ZFP91: variants seen among roughly 807,000 people sequenced by gnomAD.
ZFP91 encodes ZFP91 zinc finger protein, atypical E3 ubiquitin ligase, also known as E3 ubiquitin-protein ligase ZFP91.
A neutral mutation model predicts 63.5 loss-of-function variants in ZFP91; 7 were observed. That is an observed-to-expected ratio of 0.11 (90% CI 0.06 to 0.21). ZFP91 has a LOEUF of 0.21. ZFP91 is among the 10% of genes least tolerant of loss of function. The pLI, the probability that ZFP91 is intolerant of heterozygous loss-of-function variation, is 1.00. For synonymous variants in ZFP91, 330 were observed against 272.1 expected (o/e 1.21, Z -2.10); for missense variants, 628 against 736.6 (o/e 0.85, Z 1.71).
At chr11:58,595,698 C>T (rs1429431981) in intron 2 of ZFP91, among the ~76,000 whole-genome samples, 6 of 151,918 alleles carry the variant, frequency 3.9e-5, no homozygotes, top group South Asian at 2.1e-4. Flanking sequence ...TTGTCTTGAC[C>T]TCCTGAGTAG....
At chr11:58,591,064 C>T (rs916264813) in intron 2 of ZFP91, among the ~76,000 whole-genome samples, 6 of 152,080 alleles carry the variant, frequency 3.9e-5, no homozygotes, top group African/African-American at 1.4e-4. Flanking sequence ...CCAGGGTGAG[C>T]CCAATCATGT....
At chr11:58,595,854 C>G (rs1855389270) in intron 2 of ZFP91, among the ~76,000 whole-genome samples, 1 of 152,040 alleles carries the variant, frequency 6.6e-6, no homozygotes, top group Non-Finnish European at 1.5e-5. Flanking sequence ...TGGGTATAGG[C>G]TTGAGCCAGC....
intron 2 of ZFP91, among the ~76,000 whole-genome samples, chr11:58,591,552 T>G (rs1315369982): frequency 6.6e-6 from 1 of 152,218 alleles, no homozygotes; most frequent in East Asian, 1.9e-4. Flanking sequence ...TAGAACTTTT[T>G]CTTCACCCTA....
Position 58,610,942 on chromosome 11 carries a change from A to G in ZFP91, c.618-8A>G. On this transcript the variant is annotated splice_polypyrimidine_tract_variant and splice_region_variant and intron_variant, in intron 4 of 10. Coordinates refer to ENST00000316059, the MANE Select transcript of ZFP91 (RefSeq NM_053023.5). ...CAGAATGTCTCATTTCTATTTACTT[A>G]TTTTTAGTAGTGAAGAGGAAGAGGA... 1.2e-6 allele frequency: 2 copies of G among 1,608,884 alleles called. No homozygotes were observed. Among genetic ancestry groups the G allele is most frequent in the Non-Finnish European group, 1.7e-6 (2 of 1,178,136 alleles).
At chr11:58,616,923 A>G in intron 10 of ZFP91, 108 bp downstream of exon 10, 5 of 1,078,042 alleles carry the variant, frequency 4.6e-6, no homozygotes, top group African/African-American at 1.6e-5. Flanking sequence ...ACTTTCATCA[A>G]ATAAATGAGT....
intron 1 of ZFP91, among the ~76,000 whole-genome samples, chr11:58,583,090 G>A (rs1407584305): frequency 6.6e-6 from 1 of 152,060 alleles, no homozygotes; most frequent in Non-Finnish European, 1.5e-5. Flanking sequence ...AGTAGCATTA[G>A]TATACTAGTT....
intron 2 of ZFP91, among the ~76,000 whole-genome samples, chr11:58,585,184 T>A (rs1349477545): frequency 6.6e-6 from 1 of 152,122 alleles, no homozygotes; most frequent in Non-Finnish European, 1.5e-5. Flanking sequence ...CAGAGTAAAG[T>A]GAAGGCAAAA....
At chr11:58,582,214 A>G (rs544394122) in intron 1 of ZFP91, among the ~76,000 whole-genome samples, 23 of 152,296 alleles carry the variant, frequency 1.5e-4, no homozygotes, top group African/African-American at 5.5e-4. Context: ...TAGTGGAGAT[A>G]TGTCAAATGT....
rs1855850230 is a variant in ZFP91 at position 58,621,402 on chromosome 11, A to G, written c.*3696A>G. Reference sequence around the variant, plus strand: ...ATATTAATACTTCTTCTCAAAATTGAATGTTTATATCAAGTACTGATTTTT... The same window carrying G: ...ATATTAATACTTCTTCTCAAAATTGGATGTTTATATCAAGTACTGATTTTT... On this transcript the variant is annotated 3_prime_UTR_variant, in exon 11 of 11. Transcript: ENST00000316059. Among the ~76,000 whole-genome samples, 1 of 152,248 alleles carries G rather than the reference A, an allele frequency of 6.6e-6. No homozygotes were observed. Among genetic ancestry groups the G allele is most frequent in the Non-Finnish European group, 1.5e-5 (1 of 68,042 alleles).
At chr11:58,606,429 C>G (rs186215729) in intron 2 of ZFP91, among the ~76,000 whole-genome samples, 16 of 152,212 alleles carry the variant, frequency 1.1e-4, no homozygotes, top group Admixed American at 8.5e-4. Context: ...AGACATATTT[C>G]TTCTGATTTC....
chr11:58,589,520 A>C (rs1239254940), intron 2 of ZFP91, among the ~76,000 whole-genome samples: 1 of 152,226 alleles, frequency 6.6e-6, no homozygotes, highest in African/African-American at 2.4e-5. Context: ...AACTTTAATT[A>C]TTTATGGAAA....
At chr11:58,579,759 C>T (rs1480309061) in intron 1 of ZFP91, 137 bp downstream of exon 1, 2 of 827,218 alleles carry the variant, frequency 2.4e-6, no homozygotes, top group African/African-American at 1.8e-5. Flanking sequence ...GATGTCACAC[C>T]GTTTCCCCGG....
At chr11:58,593,943 C>T (rs1466224223) in intron 2 of ZFP91, among the ~76,000 whole-genome samples, 1 of 152,142 alleles carries the variant, frequency 6.6e-6, no homozygotes, top group African/African-American at 2.4e-5. Context: ...CTAATTCTTT[C>T]CATATTCAGT....
At chr11:58,615,277 CAG>C in intron 9 of ZFP91, among the ~76,000 whole-genome samples, 1 of 152,276 alleles carries the variant, frequency 6.6e-6, no homozygotes, top group South Asian at 2.1e-4. Flanking sequence ...CATGTTTCTT[CAG>C]AGTTATTTCC....
At chr11:58,583,483 A>G (rs1252296079) in intron 1 of ZFP91, among the ~76,000 whole-genome samples, 1 of 152,014 alleles carries the variant, frequency 6.6e-6, no homozygotes, top group Non-Finnish European at 1.5e-5. Context: ...GATAGTGAGG[A>G]TGAAGAGGTG....
intron 2 of ZFP91, among the ~76,000 whole-genome samples, chr11:58,586,707 C>T (rs569506378): frequency 1.2e-4 from 19 of 152,146 alleles, no homozygotes; most frequent in African/African-American, 3.4e-4. Flanking sequence ...TCACTTTTTC[C>T]TGTTGTGTTT....
Position 58,609,840 on chromosome 11 carries a change from A to G in ZFP91, c.381A>G (p.Glu127=). Residue 127 remains glutamate (E), a synonymous_variant, in exon 3 of 11, where the codon GAA becomes GAG. Transcript: ENST00000316059. ...EKVTTDKDPK[E]EKEEEDDSAL... is the part of the protein sequence containing the mutation. Reference sequence around the variant, plus strand: ...TGTCTTTTTATTTAGATCCCAAGGAAGAAAAAGAGGAAGAAGACGATTCTG... The same window carrying G: ...TGTCTTTTTATTTAGATCCCAAGGAGGAAAAAGAGGAAGAAGACGATTCTG... 6.2e-7 allele frequency: 1 copy of G among 1,614,210 alleles called. No individual in the cohort carries two copies. Among genetic ancestry groups the G allele is most frequent in the East Asian group, 2.2e-5 (1 of 44,890 alleles).
chr11:58,579,453 C>T lies in ZFP91; in HGVS notation c.172C>T (p.Arg58Trp). ...RVLRGGRDRG[R>W]AAAAAAAAAV... ...GCTGAGGGGAGGTCGGGACCGAGGC[C>T]GGGCCGCTGCGGCCGCCGCCGCCGC... The change falls in exon 1 of 11, where the codon CGG becomes TGG. Residue 58 changes from arginine (R) to tryptophan (W), a missense_variant. By Grantham distance (101) the Arg-to-Trp change is moderately radical. This residue lies in a region of ZFP91 where 437 missense variants were observed against 380.3 expected (regional missense o/e 1.15). Transcript: ENST00000316059. The T allele has an allele frequency of 4.9e-6, 7 of 1,434,116 alleles. No homozygotes were observed. The highest frequency in any genetic ancestry group is 2.5e-4 in the Middle Eastern group (1 of 3,984). The allele number at this position is 1,434,116 out of a possible 1,614,324, so 88.8% of individuals were successfully genotyped here. A position where few individuals can be genotyped will look rare whatever the true frequency, so the allele number is the denominator to read the frequency against.
intron 1 of ZFP91, among the ~76,000 whole-genome samples, chr11:58,584,058 GAA>G (rs1191204126): frequency 6.6e-6 from 1 of 151,972 alleles, no homozygotes; most frequent in Non-Finnish European, 1.5e-5. Flanking sequence ...ACGTATGAGA[GAA>G]ATTTTTCTGA....
Sources: gnomAD v4.1 joint callset for allele counts (sites outside exome capture counted in the v4.1 genomes callset) on GRCh38, gnomAD v4.1.1 for gene constraint, gnomAD v4.1.1 regional missense constraint, MANE v1.5 for transcripts, NCBI Gene and HGNC (gene_info 2026-07-23, HGNC 2026-07-21) for gene names.